The following XAGE3 variants were observed in gnomAD, a reference collection of about 807,000 sequenced individuals.
XAGE3 encodes the protein CT12.3.
XAGE3 carries 6 observed loss-of-function variants against 9.2 expected under a neutral mutation model. The observed-to-expected ratio is 0.65, with a 90% CI of 0.36 to 1.29. The LOEUF is 1.29. XAGE3 is among the 50% of genes most tolerant of loss of function. The pLI, the probability that XAGE3 is intolerant of heterozygous loss-of-function variation, is 0.03. For missense variants in XAGE3, 70 were observed against 82.8 expected (o/e 0.85, Z 0.60); for synonymous variants, 26 against 28.2 (o/e 0.92, Z 0.25).
At chrX:52,867,176 T>C in intron 1 of XAGE3, 35 bp from the exon 2 acceptor site, 7 of 1,100,131 alleles carry the variant, frequency 6.4e-6, no homozygotes, top group Non-Finnish European at 8.7e-6. Context: ...GTAAATGCAC[T>C]TGAAAAGACA....
chrX:52,863,817 A>G (rs782668440), intron 4 of XAGE3, among the ~76,000 whole-genome samples: 17 of 111,481 alleles, frequency 1.5e-4, no homozygotes, highest in African/African-American at 5.5e-4. Context: ...CCTTTTACTA[A>G]TGACTCATAT....
At chrX:52,863,915 T>C (rs1443327845) in intron 4 of XAGE3, among the ~76,000 whole-genome samples, 1 of 112,018 alleles carries the variant, frequency 8.9e-6, no homozygotes, top group Non-Finnish European at 1.9e-5. Context: ...CTTTCTCGTG[T>C]AATTTTCTAT....
intron 4 of XAGE3, 27 bp from the exon 5 acceptor site, chrX:52,862,667 A>G (rs1927770513): frequency 9.9e-6 from 12 of 1,209,850 alleles, no homozygotes; most frequent in African/African-American, 6.9e-5. Flanking sequence ...ACAGGAGGGA[A>G]CATTAGTAGC....
At chrX:52,865,660 T>C (rs1927868040) in intron 3 of XAGE3, among the ~76,000 whole-genome samples, 1 of 111,972 alleles carries the variant, frequency 8.9e-6, no homozygotes. Flanking sequence ...CATACTAATA[T>C]AGCTACCTGT....
At chrX:52,863,704 T>G (rs1392098108) in intron 4 of XAGE3, among the ~76,000 whole-genome samples, 1 of 112,120 alleles carries the variant, frequency 8.9e-6, no homozygotes, top group Admixed American at 9.5e-5. Flanking sequence ...TATTCCATGT[T>G]GAGCTTTTTC....
intron 1 of XAGE3, 172 bp from the exon 2 acceptor site, chrX:52,867,313 A>G: frequency 2.3e-6 from 1 of 427,501 alleles, no homozygotes; most frequent in Non-Finnish European, 4.1e-6. Flanking sequence ...GGAAGCCATT[A>G]AGTTGGTCAA....
At chrX:52,865,059 T>C (rs1927854362) in intron 3 of XAGE3, among the ~76,000 whole-genome samples, 159 bp from the exon 4 acceptor site, 1 of 112,145 alleles carries the variant, frequency 8.9e-6, no homozygotes, top group African/African-American at 3.2e-5. Context: ...TCCTGTACTA[T>C]GAAATCTTAT....
chrX:52,863,057 A>G (rs1372587335), intron 4 of XAGE3, among the ~76,000 whole-genome samples: 4 of 112,518 alleles, frequency 3.6e-5, no homozygotes. Context: ...GCCTTGAAAT[A>G]ATAGTCTGGA....
chrX:52,864,960 GATA>G, intron 3 of XAGE3, 60 bp from the exon 4 acceptor site: 1 of 1,173,486 alleles, frequency 8.5e-7, no homozygotes, highest in Non-Finnish European at 1.2e-6. Flanking sequence ...AGAAGGAAAT[GATA>G]ATATTCTTTT....
At chrX:52,862,706 A>ATGT in intron 4 of XAGE3, 66 bp from the exon 5 acceptor site, 2 of 1,180,133 alleles carry the variant, frequency 1.7e-6, no homozygotes, top group Non-Finnish European at 2.3e-6. Flanking sequence ...CATTAAAGGT[A>ATGT]GGCAAAGGAC....
chrX:52,863,925 T>C (rs1556784074), intron 4 of XAGE3, among the ~76,000 whole-genome samples: 1 of 112,007 alleles, frequency 8.9e-6, no homozygotes, highest in Non-Finnish European at 1.9e-5. Context: ...TAATTTTCTA[T>C]CTATTTTAAC....
rs1445134048 is a variant in XAGE3, at chrX:52,862,728, G to T, written c.314-88C>A. On this transcript the variant is annotated intron_variant, in intron 4 of 4. Transcript: ENST00000346279. ...GGTAGGCAAAGGACACCAAAGTTTTGGTTTTATACCGTGGATTAAACCAGA... is the reference window on the plus strand; with the variant it reads ...GGTAGGCAAAGGACACCAAAGTTTTTGTTTTATACCGTGGATTAAACCAGA... 9.8e-6 allele frequency: 11 copies of T among 1,121,648 alleles called. No individual in the cohort carries two copies. In the African/African-American group the frequency reaches 1.7e-4, roughly 17 times the overall value. 92.4% of individuals were successfully genotyped at this position (1,121,648 alleles called of 1,213,427 possible). A position where few individuals can be genotyped will look rare whatever the true frequency, so the allele number is the denominator to read the frequency against.
intron 4 of XAGE3, among the ~76,000 whole-genome samples, chrX:52,863,554 G>C (rs1927811788): frequency 8.9e-6 from 1 of 111,785 alleles, no homozygotes; most frequent in Admixed American, 9.5e-5. Flanking sequence ...TAGATGTTCA[G>C]GTATTACTGG....
chrX:52,867,591 C>A (rs1489866547), intron 1 of XAGE3, among the ~76,000 whole-genome samples: 9 of 110,895 alleles, frequency 8.1e-5, no homozygotes, highest in Non-Finnish European at 1.7e-4. Context: ...GCCCTCCTCA[C>A]TGTACACCTC....
At chrX:52,864,598 A>G (rs1463846828) in intron 4 of XAGE3, among the ~76,000 whole-genome samples, 177 bp downstream of exon 4, 1 of 112,388 alleles carries the variant, frequency 8.9e-6, no homozygotes, top group African/African-American at 3.2e-5. Context: ...GTTTGACCCA[A>G]TTTGTGTCTG....
At position 52,866,473 on chromosome X, in the gene XAGE3, A is replaced by T; in HGVS notation, c.147T>A (p.Gly49=). ...PPTESRDPAP[G]QEREEDQGAA... is the part of the protein sequence containing the mutation. ...CACCCTGATCTTCTTCTCTCTCCTG[A>T]CCAGGTGCAGGATCCCGACTTTCAG... The change falls in exon 3 of 5, where the codon GGT becomes GGA. Residue 49 remains glycine (G), a synonymous_variant. Coordinates refer to ENST00000346279, the MANE Select transcript of XAGE3 (RefSeq NM_133179.3). 8.3e-7 allele frequency: 1 copy of T among 1,210,343 alleles called. No homozygotes were observed. Among genetic ancestry groups the T allele is most frequent in the Non-Finnish European group, 1.1e-6 (1 of 895,126 alleles).
At chrX:52,866,099 T>C (rs1556784375) in intron 3 of XAGE3, among the ~76,000 whole-genome samples, 2 of 111,861 alleles carry the variant, frequency 1.8e-5, no homozygotes, top group African/African-American at 6.5e-5. Flanking sequence ...TGTGGACACC[T>C]TGGCTGAGAA....
Position 52,866,550 on chromosome X carries a change from GGTGT to G in XAGE3, c.82-16_82-13del, listed in dbSNP as rs5902508. ...TCATCACCGGGCTCCTGGAACCAGG[GGTGT>G]GTGTGTGTGTGTGTGTGTGTGCAGA... On this transcript the variant is annotated splice_polypyrimidine_tract_variant and intron_variant, in intron 2 of 4. Coordinates refer to ENST00000346279, the MANE Select transcript of XAGE3 (RefSeq NM_133179.3). 2.9e-4 allele frequency: 325 copies of G among 1,133,923 alleles called. 1 individual carries two copies. The highest frequency in any genetic ancestry group is 5.8e-4 in the South Asian group (31 of 53,374). 93.4% of individuals were successfully genotyped at this position (1,133,923 alleles called of 1,213,427 possible).
intron 3 of XAGE3, among the ~76,000 whole-genome samples, chrX:52,865,322 A>G (rs1423495184): frequency 8.9e-6 from 1 of 112,068 alleles, no homozygotes; most frequent in Non-Finnish European, 1.9e-5. Context: ...AAAATTAAAC[A>G]AACTTAGGTC....
Sources: gnomAD v4.1 joint callset for allele counts (sites outside exome capture counted in the v4.1 genomes callset) on GRCh38, gnomAD v4.1.1 for gene constraint, MANE v1.5 for transcripts, NCBI Gene and HGNC (gene_info 2026-07-23, HGNC 2026-07-21) for gene names.